Variants in BRINP1 observed in about 807,000 individuals in gnomAD.
BRINP1 encodes the protein BMP/retinoic acid-inducible neural-specific protein 1.
In BRINP1, 17 loss-of-function variants were observed where a neutral mutation model predicts 72.9. The ratio of observed to expected loss-of-function variants is 0.23; its 90% CI spans 0.16 to 0.35. The LOEUF is 0.35. BRINP1 is among the 10% of genes least tolerant of loss of function. The pLI is 1.00. For missense variants in BRINP1, 850 were observed against 1,001.6 expected (o/e 0.85, Z 2.04); for synonymous variants, 418 against 378.5 (o/e 1.10, Z -1.21).
chr9:119,280,832 G>C (rs990353585), intron 2 of BRINP1, among the ~76,000 whole-genome samples: 1 of 152,184 alleles, frequency 6.6e-6, no homozygotes, highest in African/African-American at 2.4e-5. Flanking sequence ...TAGTAATACA[G>C]CAAGTGAGAT....
intron 1 of BRINP1, among the ~76,000 whole-genome samples, chr9:119,346,442 C>A (rs571737869): frequency 5.3e-5 from 8 of 152,076 alleles, no homozygotes; most frequent in African/African-American, 1.9e-4. Context: ...CTGCAATCAC[C>A]GTTACCAGAA....
intron 1 of BRINP1, among the ~76,000 whole-genome samples, chr9:119,367,217 GA>G (rs1192471065): frequency 3.8e-5 from 2 of 52,186 alleles, no homozygotes; most frequent in African/African-American, 7.2e-5. Context: ...GTGTGTGTGT[GA>G]TTGATATATA....
intron 2 of BRINP1, among the ~76,000 whole-genome samples, chr9:119,278,276 T>C (rs1223280632): frequency 1.3e-5 from 2 of 152,154 alleles, no homozygotes; most frequent in African/African-American, 4.8e-5. Flanking sequence ...CCTGCCTCTC[T>C]CCCACAGCCC....
intron 5 of BRINP1, among the ~76,000 whole-genome samples, chr9:119,227,361 T>C (rs73532243): frequency 0.018 from 2,709 of 152,174 alleles, 66 homozygotes; most frequent in African/African-American, 0.055. Flanking sequence ...GGTTTCTGAT[T>C]GAGTCTTTGA....
chr9:119,356,428 G>T (rs901746972), intron 1 of BRINP1, among the ~76,000 whole-genome samples: 8 of 152,094 alleles, frequency 5.3e-5, no homozygotes, highest in African/African-American at 1.9e-4. Flanking sequence ...CTCTATGGTG[G>T]TAAGAACTTG....
intron 2 of BRINP1, among the ~76,000 whole-genome samples, chr9:119,279,335 AT>A (rs1334003362): frequency 6.6e-5 from 10 of 152,308 alleles, no homozygotes; most frequent in African/African-American, 2.4e-4. Context: ...ATTATTAACC[AT>A]GGGGATTTCG....
At chr9:119,290,668 G>T (rs956813593) in intron 2 of BRINP1, among the ~76,000 whole-genome samples, 3 of 152,182 alleles carry the variant, frequency 2.0e-5, no homozygotes, top group Non-Finnish European at 4.4e-5. Flanking sequence ...GAGGGAGCAA[G>T]TGTGATTACC....
At chr9:119,235,226 A>G (rs1438753383) in intron 5 of BRINP1, among the ~76,000 whole-genome samples, 2 of 152,142 alleles carry the variant, frequency 1.3e-5, no homozygotes, top group African/African-American at 4.8e-5. Context: ...TTTTTAAAAA[A>G]CCATTCCATG....
chr9:119,215,744 G>T (rs1357284450), intron 5 of BRINP1, among the ~76,000 whole-genome samples: 1 of 152,168 alleles, frequency 6.6e-6, no homozygotes, highest in Non-Finnish European at 1.5e-5. Context: ...GGGACATTGT[G>T]GGAAAGAAGA....
chr9:119,352,252 C>T (rs1831514411), intron 1 of BRINP1, among the ~76,000 whole-genome samples: 1 of 152,196 alleles, frequency 6.6e-6, no homozygotes. Flanking sequence ...TGTTATTAAG[C>T]ATGACGTTTC....
intron 7 of BRINP1, among the ~76,000 whole-genome samples, chr9:119,198,518 T>C (rs1477894448): frequency 6.6e-6 from 1 of 152,186 alleles, no homozygotes; most frequent in Non-Finnish European, 1.5e-5. Context: ...AAGTTCTTTT[T>C]TTCTTTATTA....
intron 1 of BRINP1, among the ~76,000 whole-genome samples, chr9:119,366,996 A>G (rs527255110): frequency 4.6e-5 from 7 of 151,812 alleles, no homozygotes; most frequent in Admixed American, 1.3e-4. Context: ...CCCCTACCCA[A>G]GATAATCCAG....
At chr9:119,295,468 T>A (rs1341365104) in intron 2 of BRINP1, among the ~76,000 whole-genome samples, 1 of 152,246 alleles carries the variant, frequency 6.6e-6, no homozygotes, top group Admixed American at 6.5e-5. Context: ...TACAAGATGT[T>A]ACTTTACTGA....
rs191831232 is a variant in BRINP1 at position 119,230,254 on chromosome 9, G to C, written c.685+8401C>G. Among the ~76,000 whole-genome samples the C allele has an allele frequency of 5.3e-4, 80 of 152,240 alleles. 1 individual carries two copies. Among genetic ancestry groups the C allele is most frequent in the Admixed American group, 5.0e-3 (76 of 15,274 alleles). Reference sequence around the variant, plus strand: ...AAGGCAAAGCCAAGAAGATTGGCAAGGCTTGCATTTGAACAGCCTGGTGTT... The same window carrying C: ...AAGGCAAAGCCAAGAAGATTGGCAACGCTTGCATTTGAACAGCCTGGTGTT... On this transcript the variant is annotated intron_variant, in intron 5 of 7. Transcript: ENST00000265922.
chr9:119,192,650 A>T (rs1829694493), intron 7 of BRINP1, among the ~76,000 whole-genome samples: 1 of 152,116 alleles, frequency 6.6e-6, no homozygotes, highest in Non-Finnish European at 1.5e-5. Context: ...AGTTGGTAGG[A>T]ATGTAGATTG....
At chr9:119,303,215 T>G (rs896548557) in intron 2 of BRINP1, among the ~76,000 whole-genome samples, 2 of 151,970 alleles carry the variant, frequency 1.3e-5, no homozygotes, top group Non-Finnish European at 2.9e-5. Flanking sequence ...CCTTGCTGAC[T>G]TTCTCTGAAC....
At chr9:119,200,210 G>T (rs1055539673) in intron 7 of BRINP1, among the ~76,000 whole-genome samples, 1 of 152,192 alleles carries the variant, frequency 6.6e-6, no homozygotes, top group Non-Finnish European at 1.5e-5. Flanking sequence ...AATGGCTATT[G>T]TGTGACAGGT....
At chr9:119,259,104 C>CA (rs1266131465) in intron 2 of BRINP1, among the ~76,000 whole-genome samples, 2 of 152,158 alleles carry the variant, frequency 1.3e-5, no homozygotes, top group Non-Finnish European at 2.9e-5. Flanking sequence ...ATGCTCATTC[C>CA]ATTGAGCACC....
intron 1 of BRINP1, among the ~76,000 whole-genome samples, chr9:119,360,167 G>C (rs1183012760): frequency 6.6e-6 from 1 of 152,194 alleles, no homozygotes; most frequent in African/African-American, 2.4e-5. Flanking sequence ...TCTGGCAATA[G>C]CATTTGATGT....
Sources: allele counts gnomAD v4.1 joint callset (sites outside exome capture counted in the v4.1 genomes callset), GRCh38; gene constraint gnomAD v4.1.1; transcripts MANE v1.5; gene names NCBI Gene and HGNC (gene_info 2026-07-23, HGNC 2026-07-21).